Variants in ZNF804A observed in about 807,000 individuals in gnomAD.
ZNF804A encodes zinc finger protein 804A.
A neutral mutation model predicts 16.5 loss-of-function variants in ZNF804A; 2 were observed. The ratio of observed to expected loss-of-function variants is 0.12; its 90% CI spans 0.05 to 0.38. The LOEUF (loss-of-function observed/expected upper bound fraction) is 0.38, where lower values mean the gene tolerates loss of function less well. ZNF804A is among the 10% of genes least tolerant of loss of function. ZNF804A has a pLI of 0.99. For missense variants in ZNF804A, 1,473 were observed against 1,390.7 expected, an observed-to-expected ratio of 1.06 and a Z score of -0.94; for synonymous variants, 534 against 489.6, an observed-to-expected ratio of 1.09 and a Z score of -1.20.
intron 2 of ZNF804A, among the ~76,000 whole-genome samples, chr2:184,876,469 T>G (rs1440912232): frequency 6.6e-6 from 1 of 152,160 alleles, no homozygotes. Flanking sequence ...CATTGTTCTC[T>G]TAGAACAAAT....
At chr2:184,645,736 A>T (rs990341402) in intron 1 of ZNF804A, among the ~76,000 whole-genome samples, 4 of 152,250 alleles carry the variant, frequency 2.6e-5, no homozygotes, top group Non-Finnish European at 5.9e-5. Flanking sequence ...TGGAAATAGC[A>T]AGATAGTACA....
chr2:184,647,211 A>G (rs556676076), intron 1 of ZNF804A, among the ~76,000 whole-genome samples: 16 of 152,326 alleles, frequency 1.1e-4, no homozygotes, highest in African/African-American at 3.4e-4. Flanking sequence ...AAAAACAACA[A>G]TGATAATATG....
intron 1 of ZNF804A, among the ~76,000 whole-genome samples, chr2:184,617,818 C>T (rs1033531316): frequency 7.3e-5 from 11 of 151,568 alleles, no homozygotes; most frequent in Non-Finnish European, 1.5e-5. Flanking sequence ...ATTAATTTCT[C>T]ACATATTGAG....
intron 1 of ZNF804A, among the ~76,000 whole-genome samples, chr2:184,608,727 A>G (rs1475906945): frequency 2.0e-5 from 3 of 152,188 alleles, no homozygotes; most frequent in Non-Finnish European, 2.9e-5. Context: ...GAGATGGATG[A>G]TTGCAAGAGA....
chr2:184,852,257 C>G (rs866669319), intron 1 of ZNF804A, among the ~76,000 whole-genome samples: 1 of 150,962 alleles, frequency 6.6e-6, no homozygotes, highest in African/African-American at 2.4e-5. Flanking sequence ...CTCTCTCTCT[C>G]TCTCTATCTC....
Position 184,938,605 on chromosome 2 carries a change from C to T in ZNF804A, c.3209C>T (p.Pro1070Leu), listed in dbSNP as rs749895259. The change falls in exon 4 of 4, where the codon CCT becomes CTT. Residue 1070 changes from proline (P) to leucine (L), a missense_variant. Pro to Leu is a moderately conservative substitution (Grantham distance 98, BLOSUM62 -3). Transcript: ENST00000302277. ...MLANKVKFTF[P>L]PAALPPPSTP... ...GCCAACAAGGTTAAATTTACCTTTCCTCCAGCTGCCCTCCCACCCCCTAGC... is the reference window on the plus strand; with the variant it reads ...GCCAACAAGGTTAAATTTACCTTTCTTCCAGCTGCCCTCCCACCCCCTAGC... The T allele has an allele frequency of 9.9e-6, 16 of 1,613,902 alleles. No homozygotes were observed. Among genetic ancestry groups the T allele is most frequent in the African/African-American group, 4.0e-5 (3 of 74,876 alleles).
chr2:184,715,648 G>A (rs1018165717), intron 1 of ZNF804A, among the ~76,000 whole-genome samples: 13 of 152,028 alleles, frequency 8.6e-5, no homozygotes, highest in Admixed American at 2.0e-4. Flanking sequence ...CCATCAACTC[G>A]CCCCAACCTC....
intron 1 of ZNF804A, among the ~76,000 whole-genome samples, chr2:184,721,689 A>G (rs992625548): frequency 6.6e-6 from 1 of 152,138 alleles, no homozygotes; most frequent in Non-Finnish European, 1.5e-5. Flanking sequence ...TTTCTCAAAA[A>G]GCTAAAGCTA....
chr2:184,795,803 CA>C (rs1415401417), intron 1 of ZNF804A, among the ~76,000 whole-genome samples: 1 of 152,086 alleles, frequency 6.6e-6, no homozygotes, highest in African/African-American at 2.4e-5. Flanking sequence ...CCTTTATGTG[CA>C]CAAACTAGAA....
chr2:184,635,597 A>G (rs1347361300), intron 1 of ZNF804A, among the ~76,000 whole-genome samples: 1 of 152,112 alleles, frequency 6.6e-6, no homozygotes, highest in Non-Finnish European at 1.5e-5. Context: ...CTCAATGGGG[A>G]TTGATTAACT....
At chr2:184,759,216 G>A (rs1052959771) in intron 1 of ZNF804A, among the ~76,000 whole-genome samples, 7 of 148,728 alleles carry the variant, frequency 4.7e-5, no homozygotes, top group Admixed American at 1.3e-4. Flanking sequence ...ATTCATTATT[G>A]AAAAAAAAAT....
chr2:184,822,172 T>A (rs992443672), intron 1 of ZNF804A, among the ~76,000 whole-genome samples: 7 of 152,072 alleles, frequency 4.6e-5, no homozygotes, highest in African/African-American at 9.7e-5. Flanking sequence ...CAAATGCCCA[T>A]CAATTGTAGA....
At chr2:184,849,373 G>A (rs1387712784) in intron 1 of ZNF804A, among the ~76,000 whole-genome samples, 4 of 151,982 alleles carry the variant, frequency 2.6e-5, no homozygotes, top group African/African-American at 9.7e-5. Flanking sequence ...GGAAATGACA[G>A]TCTCTTAAGT....
At chr2:184,695,989 G>A (rs1692825208) in intron 1 of ZNF804A, among the ~76,000 whole-genome samples, 1 of 152,034 alleles carries the variant, frequency 6.6e-6, no homozygotes, top group African/African-American at 2.4e-5. Flanking sequence ...AACATGATGT[G>A]AGTTCTAACC....
At chr2:184,920,256 G>A (rs563293579) in intron 2 of ZNF804A, among the ~76,000 whole-genome samples, 1 of 152,124 alleles carries the variant, frequency 6.6e-6, no homozygotes, top group Non-Finnish European at 1.5e-5. Context: ...CCAGTGTTGT[G>A]GTTCAGAGAA....
chr2:184,877,176 T>C (rs559939867), intron 2 of ZNF804A, among the ~76,000 whole-genome samples: 13 of 152,286 alleles, frequency 8.5e-5, no homozygotes, highest in Admixed American at 4.6e-4. Flanking sequence ...TTTACCATTT[T>C]ATTTTTAATG....
At chr2:184,755,843 TAAC>T (rs1403297408) in intron 1 of ZNF804A, among the ~76,000 whole-genome samples, 1 of 152,010 alleles carries the variant, frequency 6.6e-6, no homozygotes, top group Admixed American at 6.6e-5. Context: ...TCAAATGCTG[TAAC>T]AACTAGACAT....
intron 1 of ZNF804A, among the ~76,000 whole-genome samples, chr2:184,794,389 C>A (rs1451606945): frequency 1.3e-5 from 2 of 151,964 alleles, no homozygotes; most frequent in Non-Finnish European, 2.9e-5. Flanking sequence ...ATTGTCTATT[C>A]ATGTCCTTAG....
chr2:184,894,469 A>G (rs1166706583), intron 2 of ZNF804A, among the ~76,000 whole-genome samples: 3 of 151,936 alleles, frequency 2.0e-5, no homozygotes, highest in Non-Finnish European at 4.4e-5. Context: ...TTATTGGCAT[A>G]CTTTTGCCCT....
Sources: gnomAD v4.1 joint callset for allele counts (sites outside exome capture counted in the v4.1 genomes callset) on GRCh38, gnomAD v4.1.1 for gene constraint, MANE v1.5 for transcripts, NCBI Gene and HGNC (gene_info 2026-07-23, HGNC 2026-07-21) for gene names.